PUM2: variants seen among roughly 807,000 people sequenced by gnomAD.
The protein encoded by PUM2 is pumilio RNA binding family member 2.
PUM2 carries 57 observed loss-of-function variants against 124.5 expected under a neutral mutation model. The observed-to-expected ratio is 0.46, with a 90% CI of 0.37 to 0.57. PUM2 has a LOEUF of 0.57. Among genes scored for constraint, PUM2 ranks in the 20% least tolerant of loss-of-function variants. The probability of loss-of-function intolerance (pLI) is 0.00; values close to 1 mark genes in which losing one functional copy is unlikely to be tolerated. For synonymous variants in PUM2, 460 were observed against 446.1 expected, an observed-to-expected ratio of 1.03 and a Z score of -0.39; for missense variants, 1,065 against 1,290.6, an observed-to-expected ratio of 0.83 and a Z score of 2.68.
At chr2:20,260,212 A>G (rs961451553) in intron 15 of PUM2, 125 bp downstream of exon 15, 4 of 1,082,398 alleles carry the variant, frequency 3.7e-6, no homozygotes, top group Non-Finnish European at 5.1e-6. Context: ...ATTTGTAAAT[A>G]TCTTATCCCT....
At chr2:20,317,213 G>C (rs533895506) in intron 3 of PUM2, among the ~76,000 whole-genome samples, 1 of 151,588 alleles carries the variant, frequency 6.6e-6, no homozygotes, top group Non-Finnish European at 1.5e-5. Context: ...AAAAAAAAAA[G>C]CATTTAACTA....
At chr2:20,271,075 C>T (rs1010002553) in intron 13 of PUM2, among the ~76,000 whole-genome samples, 1 of 151,954 alleles carries the variant, frequency 6.6e-6, no homozygotes, top group African/African-American at 2.4e-5. Context: ...GCTACAAACT[C>T]GATGACAGTG....
At chr2:20,267,992 CTG>C (rs1668102041) in intron 13 of PUM2, among the ~76,000 whole-genome samples, 1 of 152,192 alleles carries the variant, frequency 6.6e-6, no homozygotes, top group Non-Finnish European at 1.5e-5. Flanking sequence ...GATGCAGAAT[CTG>C]TGGAGATAAA....
intron 1 of PUM2, among the ~76,000 whole-genome samples, chr2:20,327,995 T>C (rs1346018631): frequency 6.6e-6 from 1 of 152,216 alleles, no homozygotes; most frequent in Non-Finnish European, 1.5e-5. Context: ...TTTCTGCTGC[T>C]GACCACCACA....
chr2:20,315,430 T>G (rs1243974069), intron 3 of PUM2, among the ~76,000 whole-genome samples: 2 of 152,168 alleles, frequency 1.3e-5, no homozygotes, highest in Non-Finnish European at 1.5e-5. Flanking sequence ...TGCATATTTT[T>G]ATGTGTCTGG....
intron 1 of PUM2, among the ~76,000 whole-genome samples, chr2:20,349,332 A>AAAACTGCATAC (rs1688853873): frequency 6.6e-6 from 1 of 152,212 alleles, no homozygotes; most frequent in South Asian, 2.1e-4. Flanking sequence ...TTCTGCATAC[A>AAAACTGCATAC]AAAACTGCCC....
At chr2:20,307,888 AC>A in intron 7 of PUM2, 89 bp downstream of exon 7, 1 of 1,497,422 alleles carries the variant, frequency 6.7e-7, no homozygotes, top group Non-Finnish European at 9.0e-7. Flanking sequence ...TCAAAAAGTA[AC>A]AAAACCTCAC....
intron 1 of PUM2, among the ~76,000 whole-genome samples, chr2:20,333,844 G>T (rs984139971): frequency 6.6e-6 from 1 of 152,032 alleles, no homozygotes; most frequent in Non-Finnish European, 1.5e-5. Context: ...TCATGGGGGC[G>T]GAGTTCTCAT....
intron 10 of PUM2, among the ~76,000 whole-genome samples, chr2:20,284,517 G>A (rs911350262): frequency 2.6e-5 from 4 of 151,700 alleles, no homozygotes; most frequent in Non-Finnish European, 5.9e-5. Context: ...CACCAGGTCC[G>A]GATAATTTAT....
intron 1 of PUM2, among the ~76,000 whole-genome samples, chr2:20,342,141 A>AAAG (rs1553410740): frequency 1.3e-5 from 2 of 151,900 alleles, no homozygotes; most frequent in Admixed American, 6.6e-5. Context: ...AAAAAAAAAA[A>AAAG]AAAGAAAGAA....
chr2:20,285,158 T>G (rs1394951828), intron 10 of PUM2, among the ~76,000 whole-genome samples: 1 of 152,204 alleles, frequency 6.6e-6, no homozygotes, highest in Non-Finnish European at 1.5e-5. Flanking sequence ...CGTATATAAA[T>G]TCCCAGAGAG....
At chr2:20,265,103 T>C (rs963164808) in intron 13 of PUM2, among the ~76,000 whole-genome samples, 2 of 151,852 alleles carry the variant, frequency 1.3e-5, no homozygotes, top group Non-Finnish European at 2.9e-5. Flanking sequence ...CAAAAAAAAA[T>C]TAGCTGGGCG....
chr2:20,253,728 A>G (rs1453542628), intron 20 of PUM2, 94 bp downstream of exon 20: 3 of 1,161,508 alleles, frequency 2.6e-6, no homozygotes, highest in Non-Finnish European at 3.6e-6. Context: ...TCCTCCAGTT[A>G]TAACATACGG....
At position 20,248,838 on chromosome 2, in the gene PUM2, C is replaced by G. The variant is rs1253990917; in HGVS notation, c.*2747G>C. ...TTATTTCATATGAACCAATAAGAGC[C>G]AGGACTTAGACAAACTGGTCCAGAA... On this transcript the variant is annotated 3_prime_UTR_variant, in exon 21 of 21. Transcript: ENST00000361078. The G allele has an allele frequency of 6.6e-6, 1 of 152,518 alleles. No homozygotes were observed. The highest frequency in any genetic ancestry group is 2.4e-5 in the African/African-American group (1 of 41,406). The allele number at this position is 152,518 out of a possible 1,614,324, so 9.4% of individuals were successfully genotyped here. A position where few individuals can be genotyped will look rare whatever the true frequency, so the allele number is the denominator to read the frequency against.
intron 8 of PUM2, among the ~76,000 whole-genome samples, chr2:20,296,400 CAGG>C (rs1675558865): frequency 1.3e-5 from 2 of 151,634 alleles, no homozygotes; most frequent in African/African-American, 4.9e-5. Flanking sequence ...GAGGCTGAGG[CAGG>C]AGAATGGTGT....
chr2:20,331,507 G>A (rs2148920956), intron 1 of PUM2, among the ~76,000 whole-genome samples: 1 of 151,710 alleles, frequency 6.6e-6, no homozygotes, highest in East Asian at 1.9e-4. Flanking sequence ...GAAAAATTAT[G>A]CAGAGACAAG....
At chr2:20,326,249 A>C (rs1683643994) in intron 2 of PUM2, 1 of 1,302,058 alleles carries the variant, frequency 7.7e-7, no homozygotes, top group South Asian at 1.2e-5. Flanking sequence ...AAGCTTAAGC[A>C]CCTTAACTCA....
intron 3 of PUM2, among the ~76,000 whole-genome samples, chr2:20,313,973 T>A (rs889375268): frequency 6.7e-6 from 1 of 150,174 alleles, no homozygotes; most frequent in Non-Finnish European, 1.5e-5. Flanking sequence ...CGAAACCTCA[T>A]CTCTACTAAG....
intron 15 of PUM2, among the ~76,000 whole-genome samples, chr2:20,259,850 A>G (rs1204101655): frequency 3.9e-5 from 6 of 152,194 alleles, no homozygotes; most frequent in African/African-American, 1.4e-4. Flanking sequence ...AGAAACTGCC[A>G]AACTGTTTTC....
Sources: allele counts gnomAD v4.1 joint callset (sites outside exome capture counted in the v4.1 genomes callset), GRCh38; gene constraint gnomAD v4.1.1; transcripts MANE v1.5; gene names NCBI Gene and HGNC (gene_info 2026-07-23, HGNC 2026-07-21).